The following CTNNA3 variants were observed in gnomAD, a reference collection of about 807,000 sequenced individuals.
CTNNA3 encodes the protein catenin alpha-3.
A neutral mutation model predicts 95.7 loss-of-function variants in CTNNA3; 76 were observed. The observed-to-expected ratio is 0.79, with a 90% CI of 0.66 to 0.96. The LOEUF is 0.96. Ranked by LOEUF, CTNNA3 falls within the 40% of genes least tolerant of loss-of-function variation. The probability of loss-of-function intolerance (pLI) is 0.00; values close to 1 mark genes in which losing one functional copy is unlikely to be tolerated. For missense variants in CTNNA3, 1,191 were observed against 1,089.8 expected, an observed-to-expected ratio of 1.09 and a Z score of -1.31; for synonymous variants, 431 against 374.4, an observed-to-expected ratio of 1.15 and a Z score of -1.74.
At chr10:66,836,389 G>A (rs1842888300) in intron 7 of CTNNA3, among the ~76,000 whole-genome samples, 1 of 152,102 alleles carries the variant, frequency 6.6e-6, no homozygotes. Context: ...TTTAGCAGGA[G>A]AGTCATGTGA....
At chr10:67,684,609 C>G (rs909489597) in intron 1 of CTNNA3, among the ~76,000 whole-genome samples, 6 of 152,198 alleles carry the variant, frequency 3.9e-5, no homozygotes, top group South Asian at 4.1e-4. Flanking sequence ...AAGAAGGGGC[C>G]TGCCCTGCAG....
Position 67,071,719 on chromosome 10 carries a change from T to A in CTNNA3, c.1047+108598A>T, listed in dbSNP as rs1020228865. Among the ~76,000 whole-genome samples the A allele has an allele frequency of 2.0e-4, 30 of 152,188 alleles. 1 individual carries two copies. Among genetic ancestry groups the A allele is most frequent in the African/African-American group, 6.3e-4 (26 of 41,460 alleles). On this transcript the variant is annotated intron_variant, in intron 7 of 17. Transcript: ENST00000433211. ...ATGCATCTCCCCGTGTATTCTCTCC[T>A]CTCCTTTGGGACTTCATTTTTACTT...
intron 10 of CTNNA3, among the ~76,000 whole-genome samples, chr10:66,524,545 TTG>T (rs985253391): frequency 6.6e-6 from 1 of 152,056 alleles, no homozygotes; most frequent in African/African-American, 2.4e-5. Context: ...AAAAGTTGTG[TTG>T]TGTTAATCAA....
At chr10:67,410,841 T>C (rs1019865579) in intron 5 of CTNNA3, among the ~76,000 whole-genome samples, 3 of 152,124 alleles carry the variant, frequency 2.0e-5, no homozygotes, top group Non-Finnish European at 2.9e-5. Flanking sequence ...AAATGTGTTA[T>C]ATATACACAG....
intron 1 of CTNNA3, among the ~76,000 whole-genome samples, chr10:67,716,642 A>T (rs964884299): frequency 2.6e-5 from 4 of 152,052 alleles, no homozygotes; most frequent in African/African-American, 9.7e-5. Context: ...ACCTGCAAAA[A>T]ACATGAACCC....
chr10:66,406,438 G>C (rs1010485911), intron 11 of CTNNA3, among the ~76,000 whole-genome samples: 1 of 152,140 alleles, frequency 6.6e-6, no homozygotes, highest in Non-Finnish European at 1.5e-5. Context: ...TGGATTTCCA[G>C]TGTTCCAAGG....
intron 10 of CTNNA3, among the ~76,000 whole-genome samples, chr10:66,615,774 A>G (rs1844489437): frequency 6.6e-6 from 1 of 151,970 alleles, no homozygotes; most frequent in African/African-American, 2.4e-5. Context: ...AATTCATTGA[A>G]CAAGAGAGCA....
chr10:67,379,787 C>T (rs1183918073), intron 5 of CTNNA3, among the ~76,000 whole-genome samples: 2 of 151,770 alleles, frequency 1.3e-5, no homozygotes, highest in South Asian at 2.1e-4. Flanking sequence ...TTTGGGAGGC[C>T]GAGGCGGGCG....
chr10:67,027,001 A>T (rs1346097006), intron 7 of CTNNA3, among the ~76,000 whole-genome samples: 1 of 152,228 alleles, frequency 6.6e-6, no homozygotes, highest in Non-Finnish European at 1.5e-5. Flanking sequence ...ATAAATGATG[A>T]TAAAACATCT....
chr10:67,746,921 G>A (rs1414929792), intron 1 of CTNNA3, among the ~76,000 whole-genome samples: 1 of 152,216 alleles, frequency 6.6e-6, no homozygotes, highest in Non-Finnish European at 1.5e-5. Context: ...TGCAGCTGCA[G>A]AGCACCATTT....
chr10:66,121,715 C>T (rs2082585496), intron 13 of CTNNA3, among the ~76,000 whole-genome samples: 1 of 152,036 alleles, frequency 6.6e-6, no homozygotes, highest in African/African-American at 2.4e-5. Flanking sequence ...GTGGCACATG[C>T]CTGTGGTCCC....
chr10:67,514,601 T>C (rs1195279883), intron 5 of CTNNA3, among the ~76,000 whole-genome samples: 1 of 152,104 alleles, frequency 6.6e-6, no homozygotes, highest in Non-Finnish European at 1.5e-5. Flanking sequence ...TTGACAACCT[T>C]ATGGACTTAG....
chr10:66,661,512 T>A (rs1846264442), intron 9 of CTNNA3, among the ~76,000 whole-genome samples: 1 of 152,160 alleles, frequency 6.6e-6, no homozygotes, highest in African/African-American at 2.4e-5. Context: ...ATTTTCTTTT[T>A]AAACCTCTTA....
At chr10:67,049,215 A>T (rs960179825) in intron 7 of CTNNA3, among the ~76,000 whole-genome samples, 3 of 152,084 alleles carry the variant, frequency 2.0e-5, no homozygotes, top group Non-Finnish European at 2.9e-5. Context: ...TAGAAACAGG[A>T]GGCAGGGTCA....
intron 5 of CTNNA3, among the ~76,000 whole-genome samples, chr10:67,429,864 T>A (rs993622885): frequency 6.6e-6 from 1 of 152,036 alleles, no homozygotes; most frequent in African/African-American, 2.4e-5. Context: ...GATGCACATG[T>A]TTTTTTGGTT....
chr10:67,245,716 G>T (rs1399515050), intron 5 of CTNNA3, among the ~76,000 whole-genome samples: 2 of 151,898 alleles, frequency 1.3e-5, no homozygotes, highest in African/African-American at 4.8e-5. Context: ...AAATTAGCTG[G>T]GCATGGTGGC....
intron 13 of CTNNA3, among the ~76,000 whole-genome samples, chr10:66,279,025 C>G (rs1313536947): frequency 1.3e-5 from 2 of 152,044 alleles, no homozygotes; most frequent in South Asian, 2.1e-4. Context: ...TTGTAGGTTG[C>G]TCACAAGTAT....
At chr10:66,536,986 A>G (rs1381800714) in intron 10 of CTNNA3, among the ~76,000 whole-genome samples, 17 of 152,118 alleles carry the variant, frequency 1.1e-4, no homozygotes, top group Non-Finnish European at 1.5e-5. Context: ...TCAACTGTGA[A>G]ATAGCATAAA....
At chr10:67,230,544 T>C (rs1190837808) in intron 5 of CTNNA3, among the ~76,000 whole-genome samples, 1 of 152,082 alleles carries the variant, frequency 6.6e-6, no homozygotes, top group Non-Finnish European at 1.5e-5. Context: ...ATCCGTAATC[T>C]GACAAAGGAC....
Sources: allele counts gnomAD v4.1 joint callset (sites outside exome capture counted in the v4.1 genomes callset), GRCh38; gene constraint gnomAD v4.1.1; transcripts MANE v1.5; gene names NCBI Gene and HGNC (gene_info 2026-07-23, HGNC 2026-07-21).